STXBP5L: variants seen among roughly 807,000 people sequenced by gnomAD.
The protein encoded by STXBP5L is syntaxin-binding protein 5-like.
STXBP5L carries 65 observed loss-of-function variants against 144.5 expected under a neutral mutation model. The ratio of observed to expected loss-of-function variants is 0.45; its 90% CI spans 0.37 to 0.55. The LOEUF is 0.55. STXBP5L is among the 20% of genes least tolerant of loss of function. The pLI is 0.00. For missense variants in STXBP5L, 1,298 were observed against 1,405.5 expected (o/e 0.92, Z 1.22); for synonymous variants, 505 against 469.6 (o/e 1.08, Z -0.97).
intron 24 of STXBP5L, 93 bp from the exon 25 acceptor site, chr3:121,415,764 C>T (rs2108754436): frequency 4.3e-6 from 3 of 702,012 alleles, no homozygotes; most frequent in Admixed American, 3.3e-5. Flanking sequence ...ACTGTTTTTT[C>T]ATGATGTGTC....
chr3:121,248,844 G>A (rs534670788), intron 14 of STXBP5L, among the ~76,000 whole-genome samples: 18 of 152,226 alleles, frequency 1.2e-4, no homozygotes, highest in African/African-American at 3.9e-4. Context: ...TAAGGGTCTA[G>A]TTTTCACTCT....
At chr3:120,977,222 G>A (rs961342573) in intron 3 of STXBP5L, among the ~76,000 whole-genome samples, 5 of 152,096 alleles carry the variant, frequency 3.3e-5, no homozygotes, top group Admixed American at 6.5e-5. Flanking sequence ...CATGAATCTG[G>A]GTGCTCCTGT....
chr3:121,335,192 A>G (rs1471531648), intron 20 of STXBP5L, among the ~76,000 whole-genome samples: 1 of 152,146 alleles, frequency 6.6e-6, no homozygotes, highest in Admixed American at 6.6e-5. Context: ...AATCAAAAAC[A>G]CAATCCCATT....
At chr3:121,267,421 T>G (rs149926586) in intron 18 of STXBP5L, among the ~76,000 whole-genome samples, 72 of 152,282 alleles carry the variant, frequency 4.7e-4, no homozygotes, top group African/African-American at 1.7e-3. Flanking sequence ...CAAGATGGAT[T>G]AAAGACTTAA....
chr3:120,960,897 C>T (rs967828267), intron 3 of STXBP5L, among the ~76,000 whole-genome samples: 1 of 151,686 alleles, frequency 6.6e-6, no homozygotes, highest in East Asian at 1.9e-4. Flanking sequence ...TACCCTAAAA[C>T]TTAAAGTATA....
Position 121,297,508 on chromosome 3 carries a change from C to T in STXBP5L, c.2110+17552C>T, listed in dbSNP as rs55876867. 7.9e-3 allele frequency among the ~76,000 whole-genome samples: 1,195 copies of T among 152,216 alleles called. 13 individuals carry two copies. The highest frequency in any genetic ancestry group is 0.028 in the African/African-American group (1,152 of 41,522). On this transcript the variant is annotated intron_variant, in intron 19 of 26. Coordinates refer to ENST00000471454, the MANE Select transcript of STXBP5L (RefSeq NM_001308330.2). ...GTGGCTCACGCCTATAATCCTAGCACTTTGGGAGGCAGAGGTGGGCAGATC... is the reference window on the plus strand; with the variant it reads ...GTGGCTCACGCCTATAATCCTAGCATTTTGGGAGGCAGAGGTGGGCAGATC...
intron 9 of STXBP5L, among the ~76,000 whole-genome samples, chr3:121,169,890 T>C (rs1387648240): frequency 1.3e-5 from 2 of 152,164 alleles, no homozygotes; most frequent in Non-Finnish European, 1.5e-5. Context: ...CAACAGAATA[T>C]ACATTCTTCT....
chr3:121,378,912 T>C (rs1466154337), intron 21 of STXBP5L, 26 bp downstream of exon 21: 1 of 1,596,164 alleles, frequency 6.3e-7, no homozygotes, highest in Non-Finnish European at 8.5e-7. Flanking sequence ...TAAATTTTTT[T>C]GTTACAGTTA....
intron 11 of STXBP5L, among the ~76,000 whole-genome samples, chr3:121,231,933 C>T (rs993752981): frequency 1.3e-5 from 2 of 152,180 alleles, no homozygotes; most frequent in African/African-American, 2.4e-5. Flanking sequence ...TTGATCCACT[C>T]AAAGGGAGCA....
chr3:121,295,726 A>G (rs1224689595), intron 19 of STXBP5L, among the ~76,000 whole-genome samples: 1 of 152,184 alleles, frequency 6.6e-6, no homozygotes, highest in African/African-American at 2.4e-5. Flanking sequence ...TCACAACTGA[A>G]GAGTAGGGAT....
intron 3 of STXBP5L, among the ~76,000 whole-genome samples, chr3:120,961,427 C>G (rs1290704049): frequency 6.6e-6 from 1 of 152,068 alleles, no homozygotes; most frequent in Non-Finnish European, 1.5e-5. Flanking sequence ...TCCCCCAGCC[C>G]TCGTCCCCCA....
intron 6 of STXBP5L, among the ~76,000 whole-genome samples, chr3:121,117,719 GTTTA>G (rs2044293563): frequency 6.6e-6 from 1 of 151,592 alleles, no homozygotes; most frequent in Non-Finnish European, 1.5e-5. Flanking sequence ...TTCATTTAAT[GTTTA>G]TTTTTCAGCT....
intron 2 of STXBP5L, among the ~76,000 whole-genome samples, chr3:120,949,572 C>T (rs1711069157): frequency 6.6e-6 from 1 of 152,038 alleles, no homozygotes; most frequent in Non-Finnish European, 1.5e-5. Context: ...GACTTTGATC[C>T]ACCTTGAGGT....
chr3:121,304,054 G>A (rs2043244850), intron 19 of STXBP5L, among the ~76,000 whole-genome samples: 1 of 151,032 alleles, frequency 6.6e-6, no homozygotes, highest in Non-Finnish European at 1.5e-5. Context: ...GAAAGTAAAA[G>A]AAGGGGAAAA....
intron 10 of STXBP5L, among the ~76,000 whole-genome samples, chr3:121,217,091 A>C (rs2048803779): frequency 1.3e-5 from 2 of 152,140 alleles, no homozygotes; most frequent in Admixed American, 1.3e-4. Context: ...CGAGAATTTC[A>C]AACCAGTGGA....
intron 2 of STXBP5L, among the ~76,000 whole-genome samples, chr3:120,914,867 G>T (rs749841418): frequency 8.5e-5 from 13 of 152,064 alleles, no homozygotes; most frequent in Non-Finnish European, 1.6e-4. Context: ...AAGAATTAAA[G>T]ATTTTTTTTT....
intron 7 of STXBP5L, among the ~76,000 whole-genome samples, chr3:121,138,279 C>T (rs2045351481): frequency 6.6e-6 from 1 of 151,916 alleles, no homozygotes; most frequent in Non-Finnish European, 1.5e-5. Flanking sequence ...AAATGGAAAG[C>T]TATCCCATAT....
rs181746903 is a variant in STXBP5L, at chr3:120,961,450, T to C, written c.287+6413T>C. ...CCCTCGTCCCCCAACGAGGCCCCAG[T>C]GTGTGATGTTCCCCGCCCCGTGTGT... is the stretch of plus-strand genomic sequence containing the variant. On this transcript the variant is annotated intron_variant, in intron 3 of 26. Coordinates refer to ENST00000471454, the MANE Select transcript of STXBP5L (RefSeq NM_001308330.2). Among the ~76,000 whole-genome samples, 20 of 151,978 alleles carry C rather than the reference T, an allele frequency of 1.3e-4. No individual in the cohort carries two copies. In the East Asian group the frequency reaches 3.7e-3, roughly 28 times the overall value.
intron 2 of STXBP5L, among the ~76,000 whole-genome samples, chr3:120,929,331 A>T (rs959965050): frequency 6.6e-6 from 1 of 152,106 alleles, no homozygotes; most frequent in African/African-American, 2.4e-5. Context: ...CTATTATCAT[A>T]TGTAGTTTAG....
Sources: allele counts gnomAD v4.1 joint callset (sites outside exome capture counted in the v4.1 genomes callset), GRCh38; gene constraint gnomAD v4.1.1; transcripts MANE v1.5; gene names NCBI Gene and HGNC (gene_info 2026-07-23, HGNC 2026-07-21).